TEX15: variants seen among roughly 807,000 people sequenced by gnomAD.
TEX15 encodes testis expressed 15, meiosis and synapsis associated, also known as testis-expressed protein 15.
Under a neutral mutation model 237.3 loss-of-function variants are expected in TEX15, and 171 were observed. The observed-to-expected ratio is 0.72, with a 90% CI of 0.64 to 0.82. The LOEUF (loss-of-function observed/expected upper bound fraction) is 0.82. Ranked by LOEUF, TEX15 falls within the 40% of genes least tolerant of loss-of-function variation. The pLI is 0.00. For synonymous variants in TEX15, 1,338 were observed against 1,269.8 expected (o/e 1.05, Z -1.14); for missense variants, 3,750 against 3,646.5 (o/e 1.03, Z -0.73).
chr8:30,837,113 A>C lies in TEX15; in HGVS notation c.9171T>G (p.Ile3057Met). The C allele has an allele frequency of 6.2e-7, 1 of 1,614,128 alleles. No homozygotes were observed. Among genetic ancestry groups the C allele is most frequent in the African/African-American group, 1.3e-5 (1 of 75,042 alleles). ...ATGTTATCCCTTGGTATGTCTGGGTAATGGCATTGCCATTGCTGTTGCTGT... is the reference window on the plus strand; with the variant it reads ...ATGTTATCCCTTGGTATGTCTGGGTCATGGCATTGCCATTGCTGTTGCTGT... ...YQYSNSNGNA[I>M]TQTYQGITSY... Residue 3057 changes from isoleucine (I) to methionine (M), a missense_variant, in exon 10 of 11, where the codon ATT (isoleucine) becomes ATG (methionine). By Grantham distance (10) the Ile-to-Met change is conservative. Coordinates refer to ENST00000643185, the MANE Select transcript of TEX15 (RefSeq NM_001350162.2).
At chr8:30,892,991 C>A (rs566869359) in intron 2 of TEX15, among the ~76,000 whole-genome samples, 1 of 149,924 alleles carries the variant, frequency 6.7e-6, no homozygotes, top group Non-Finnish European at 1.5e-5. Flanking sequence ...CGAGATTGTG[C>A]CACTGCACTC....
At position 30,858,784 on chromosome 8, in the gene TEX15, G is replaced by A. The variant is rs528095322; in HGVS notation, c.734C>T (p.Pro245Leu). Reference sequence around the variant, plus strand: ...TACAGCATATGGAAGACATTGCCTAGGTTTATCTACAGGCTTTGAAAGGAC... The same window carrying A: ...TACAGCATATGGAAGACATTGCCTAAGTTTATCTACAGGCTTTGAAAGGAC... ...YSVLSKPVDK[P>L]RQCLPYAVVT... is the part of the protein sequence containing the mutation. Residue 245 changes from proline (P) to leucine (L), a missense_variant, in exon 7 of 11, where the codon CCT (proline) becomes CTT (leucine). Physicochemically the swap from Pro to Leu is moderately conservative, Grantham distance 98 (BLOSUM62 -3). Transcript: ENST00000643185. 1 of 1,535,360 alleles carries A rather than the reference G, an allele frequency of 6.5e-7. No homozygotes were observed. The highest frequency in any genetic ancestry group is 2.4e-5 in the East Asian group (1 of 40,868).
In TEX15 at chr8:30,845,482, T is replaced by A; in HGVS notation, c.4685A>T (p.His1562Leu). Reference protein sequence around the residue: ...GKTAYLFSPDHSDEKLIEKEN... With the variant: ...GKTAYLFSPDLSDEKLIEKEN... ...TTTTTCTATTAGTTTCTCATCTGAG[T>A]GGTCTGGGGAAAACAGATATGCAGT... The change falls in exon 8 of 11, where the codon CAC becomes CTC. Residue 1562 changes from histidine to leucine, a missense_variant. Coordinates refer to ENST00000643185, the MANE Select transcript of TEX15 (RefSeq NM_001350162.2). The A allele has an allele frequency of 2.5e-6, 4 of 1,613,482 alleles. No individual in the cohort carries two copies. Among genetic ancestry groups the A allele is most frequent in the Non-Finnish European group, 3.4e-6 (4 of 1,179,552 alleles).
intron 9 of TEX15, among the ~76,000 whole-genome samples, chr8:30,838,821 T>TATA (rs1807379014): frequency 1.2e-5 from 1 of 86,838 alleles, no homozygotes; most frequent in Non-Finnish European, 2.5e-5. Context: ...TATATATATA[T>TATA]GAATTTTTTT....
rs778473283 is a variant in TEX15, at chr8:30,844,002, T to C, written c.6165A>G (p.Gln2055=). ...TGTGTTTGCAATTATTCCACAGGTT[T>C]TGGTCTACCAACAGTTCTCTTGAAA... ...ILISRELLVD[Q]NLWNNCKHTL... Residue 2055 remains glutamine (Q), a synonymous_variant, in exon 8 of 11, where the codon CAA becomes CAG. Coordinates refer to ENST00000643185, the MANE Select transcript of TEX15 (RefSeq NM_001350162.2). The C allele has an allele frequency of 6.2e-7, 1 of 1,612,694 alleles. No homozygotes were observed. Among genetic ancestry groups the C allele is most frequent in the South Asian group, 1.1e-5 (1 of 90,830 alleles).
chr8:30,910,610 CTTTTTTTTTTTT>C (rs796129316), intron 1 of TEX15, among the ~76,000 whole-genome samples: 32 of 97,910 alleles, frequency 3.3e-4, no homozygotes, highest in Non-Finnish European at 4.6e-4. Flanking sequence ...CACGCCTGGC[CTTTTTTTTTTTT>C]TTTTTTTTTT....
intron 5 of TEX15, among the ~76,000 whole-genome samples, chr8:30,866,675 A>G (rs1377959867): frequency 1.3e-5 from 2 of 151,950 alleles, no homozygotes; most frequent in African/African-American, 2.4e-5. Context: ...CTATTGCTGG[A>G]CATTTACATG....
In TEX15 at chr8:30,858,811, C is replaced by T. The variant is rs1186514616; in HGVS notation, c.707G>A (p.Ser236Asn). 1 of 1,533,650 alleles carries T rather than the reference C, an allele frequency of 6.5e-7. No homozygotes were observed. Among genetic ancestry groups the T allele is most frequent in the African/African-American group, 1.4e-5 (1 of 72,852 alleles). Residue 236 changes from serine (S) to asparagine (N), a missense_variant, in exon 7 of 11, where the codon AGT becomes AAT. By Grantham distance (46) the Ser-to-Asn change is conservative. Coordinates refer to ENST00000643185, the MANE Select transcript of TEX15 (RefSeq NM_001350162.2). The stretch of plus-strand genomic sequence containing the variant: ...TTTATCTACAGGCTTTGAAAGGACA[C>T]TGTATTCATAGAAGTACACCTGAAA... Reference protein sequence around the residue: ...YSSAVYFYEYSVLSKPVDKPR... With the variant: ...YSSAVYFYEYNVLSKPVDKPR...
Position 30,838,067 on chromosome 8 carries a change from A to T in TEX15, c.8223-6T>A. The T allele has an allele frequency of 6.3e-7, 1 of 1,595,802 alleles. No homozygotes were observed. The highest frequency in any genetic ancestry group is 8.5e-7 in the Non-Finnish European group (1 of 1,173,824). The stretch of plus-strand genomic sequence containing the variant: ...TGGGATGAGATCCTGTAGTCCTATT[A>T]GGTGCAACACATACATAAAAATGAA... On this transcript the variant is annotated splice_region_variant and splice_polypyrimidine_tract_variant and intron_variant, in intron 9 of 10. Transcript: ENST00000643185.
intron 1 of TEX15, among the ~76,000 whole-genome samples, chr8:30,901,751 A>C (rs1809009949): frequency 6.6e-6 from 1 of 152,222 alleles, no homozygotes. Context: ...TTAGACAAGT[A>C]AGTCTGAGGA....
At chr8:30,866,581 A>G (rs955120380) in intron 5 of TEX15, among the ~76,000 whole-genome samples, 6 of 152,136 alleles carry the variant, frequency 3.9e-5, no homozygotes, top group Non-Finnish European at 8.8e-5. Context: ...GCATTTTCCC[A>G]TATCTTTAAA....
In TEX15 at chr8:30,846,065, C is replaced by T. The variant is rs759480907; in HGVS notation, c.4102G>A (p.Ala1368Thr). Residue 1368 changes from alanine (A) to threonine (T), a missense_variant, in exon 8 of 11, where the codon GCA becomes ACA. Coordinates refer to ENST00000643185, the MANE Select transcript of TEX15 (RefSeq NM_001350162.2). ...AGACATTTGCTTTTACATAAAGATG[C>T]TTCATCACTTAGGATATTTAGGACA... ...KSVLNILSDE[A>T]SLCKSKCLSR... The T allele has an allele frequency of 1.3e-5, 21 of 1,613,332 alleles. No homozygotes were observed. The South Asian group carries it at 2.2e-4, about 17-fold the overall frequency.
rs1283310400 is a variant in TEX15 at position 30,831,587 on chromosome 8, G to T, written c.*1699C>A. ...ATGTTTTAATATTCTGTCACGTACA[G>T]ATTTTTTAAAAATGTAACTGAATAT... On this transcript the variant is annotated 3_prime_UTR_variant, in exon 11 of 11. Coordinates refer to ENST00000643185, the MANE Select transcript of TEX15 (RefSeq NM_001350162.2). The T allele has an allele frequency of 6.6e-6, 1 of 151,974 alleles. No homozygotes were observed. The highest frequency in any genetic ancestry group is 2.4e-5 in the African/African-American group (1 of 41,388). The allele number at this position is 151,974 out of a possible 1,614,324, so 9.4% of individuals were successfully genotyped here. A position where few individuals can be genotyped will look rare whatever the true frequency, so the allele number is the denominator to read the frequency against.
chr8:30,872,006 G>A (rs1808301103), intron 4 of TEX15, among the ~76,000 whole-genome samples: 1 of 152,076 alleles, frequency 6.6e-6, no homozygotes, highest in Non-Finnish European at 1.5e-5. Flanking sequence ...AGAAGTAGCT[G>A]GGATTCCTTG....
chr8:30,838,059 G>GTCC lies in TEX15; in HGVS notation c.8223-1_8224dup (p.Arg2741dup). 6.2e-7 allele frequency: 1 copy of GTCC among 1,600,676 alleles called. No individual in the cohort carries two copies. ...TTCGCTTTTGGGATGAGATCCTGTAGTCCTATTAGGTGCAACACATACATA... is the reference window on the plus strand; with the variant it reads ...TTCGCTTTTGGGATGAGATCCTGTAGTCCTCCTATTAGGTGCAACACATACATA... On this transcript the variant is annotated inframe_insertion and splice_region_variant, in exon 10 of 11. Transcript: ENST00000643185.
chr8:30,843,630 T>C lies in TEX15; in HGVS notation c.6537A>G (p.Ile2179Met). ...CAAAGCAATCGGAACAATGCTCCAT[T>C]ATGGCTTCACATTCATTAACCTGTC... ...YKRQVNECEA[I>M]MEHCSDCFDF... is the part of the protein sequence containing the mutation. Residue 2179 changes from isoleucine (I) to methionine (M), a missense_variant, in exon 8 of 11, where the codon ATA (isoleucine) becomes ATG (methionine). Coordinates refer to ENST00000643185, the MANE Select transcript of TEX15 (RefSeq NM_001350162.2). The C allele has an allele frequency of 6.2e-7, 1 of 1,612,942 alleles. No homozygotes were observed. The highest frequency in any genetic ancestry group is 1.1e-5 in the South Asian group (1 of 91,008).
At chr8:30,839,648 AC>A (rs1197228637) in intron 9 of TEX15, among the ~76,000 whole-genome samples, 1 of 152,150 alleles carries the variant, frequency 6.6e-6, no homozygotes, top group African/African-American at 2.4e-5. Flanking sequence ...AATATTCTTA[AC>A]CTTTACATCA....
chr8:30,887,667 G>A (rs1808684069), intron 2 of TEX15: 1 of 156,584 alleles, frequency 6.4e-6, no homozygotes, highest in African/African-American at 2.4e-5. Flanking sequence ...TGGGTGTGGT[G>A]GCACATACCT....
At chr8:30,889,938 T>TATATATACGTATATATATATATACAC (rs1554502292) in intron 2 of TEX15, among the ~76,000 whole-genome samples, 1 of 128,158 alleles carries the variant, frequency 7.8e-6, no homozygotes, top group African/African-American at 3.6e-5. Flanking sequence ...TATATACATA[T>TATATATACGTATATATATATATACAC]ATATATATAT....
Sources: allele counts gnomAD v4.1 joint callset (sites outside exome capture counted in the v4.1 genomes callset), GRCh38; gene constraint gnomAD v4.1.1; transcripts MANE v1.5; gene names NCBI Gene and HGNC (gene_info 2026-07-23, HGNC 2026-07-21).